Variants in STX8 observed in about 807,000 individuals in gnomAD.
STX8 encodes syntaxin-8.
STX8 carries 23 observed loss-of-function variants against 37.5 expected under a neutral mutation model. The observed-to-expected ratio is 0.61, with a 90% confidence interval of 0.44 to 0.87. The LOEUF (loss-of-function observed/expected upper bound fraction) is 0.87, where lower values mean the gene tolerates loss of function less well. STX8 is among the 40% of genes least tolerant of loss of function. The probability of loss-of-function intolerance (pLI) is 0.00; values close to 1 mark genes in which losing one functional copy is unlikely to be tolerated. For synonymous variants in STX8, 115 were observed against 99.1 expected (o/e 1.16, Z -0.95); for missense variants, 313 against 284.7 (o/e 1.10, Z -0.71).
intron 3 of STX8, among the ~76,000 whole-genome samples, chr17:9,550,882 C>T (rs1469360314): frequency 2.6e-5 from 4 of 152,154 alleles, no homozygotes; most frequent in African/African-American, 9.7e-5. Context: ...TGAGACCAGC[C>T]TGGCCAACAT....
chr17:9,361,908 C>T (rs1271298245), intron 7 of STX8, among the ~76,000 whole-genome samples: 3 of 152,316 alleles, frequency 2.0e-5, no homozygotes, highest in Admixed American at 6.5e-5. Context: ...CTACAAACCA[C>T]GCACGCCTCC....
chr17:9,518,471 T>C (rs11870561), intron 4 of STX8, among the ~76,000 whole-genome samples: 10,545 of 152,152 alleles, frequency 0.069, 1,271 homozygotes, highest in African/African-American at 0.24. Flanking sequence ...CCCATCTGCC[T>C]CTGAAATGTG....
At chr17:9,432,771 T>C (rs1914025373) in intron 6 of STX8, among the ~76,000 whole-genome samples, 2 of 152,196 alleles carry the variant, frequency 1.3e-5, no homozygotes, top group Non-Finnish European at 2.9e-5. Context: ...TAGAATTAAA[T>C]ACAGAGTCTT....
chr17:9,297,150 A>G (rs915265026), intron 7 of STX8, among the ~76,000 whole-genome samples: 1 of 151,212 alleles, frequency 6.6e-6, no homozygotes, highest in Non-Finnish European at 1.5e-5. Flanking sequence ...ATTTATGTTT[A>G]CCTCATTAAA....
intron 7 of STX8, among the ~76,000 whole-genome samples, chr17:9,355,702 A>T (rs779661097): frequency 7.3e-5 from 11 of 151,684 alleles, no homozygotes; most frequent in Non-Finnish European, 1.3e-4. Flanking sequence ...TAGAGATGGG[A>T]TTTCACCATG....
chr17:9,379,845 G>GT (rs1911730794), intron 6 of STX8, among the ~76,000 whole-genome samples: 1 of 152,034 alleles, frequency 6.6e-6, no homozygotes, highest in Admixed American at 6.6e-5. Flanking sequence ...GCGCATGCCT[G>GT]TAATCCTACC....
intron 6 of STX8, among the ~76,000 whole-genome samples, chr17:9,486,131 C>T (rs182466938): frequency 4.6e-5 from 7 of 152,172 alleles, no homozygotes; most frequent in Admixed American, 1.3e-4. Context: ...TGATAATGAA[C>T]GGCCTAAAAG....
At chr17:9,328,424 C>T (rs1909848176) in intron 7 of STX8, among the ~76,000 whole-genome samples, 3 of 152,172 alleles carry the variant, frequency 2.0e-5, no homozygotes, top group African/African-American at 7.2e-5. Context: ...CAAAGTGCTA[C>T]ACTTTGGGTC....
At chr17:9,514,010 A>G (rs1905098218) in intron 4 of STX8, among the ~76,000 whole-genome samples, 4 of 152,184 alleles carry the variant, frequency 2.6e-5, no homozygotes, top group Admixed American at 2.0e-4. Flanking sequence ...AACAGAGCAC[A>G]CCAGAAACTG....
chr17:9,455,607 TA>T (rs1020798447), intron 6 of STX8, among the ~76,000 whole-genome samples: 5 of 151,688 alleles, frequency 3.3e-5, no homozygotes, highest in African/African-American at 4.8e-5. Context: ...TATCTTGGTG[TA>T]AAAAAAAGCA....
chr17:9,271,452 C>G (rs1262049077), intron 7 of STX8, among the ~76,000 whole-genome samples: 1 of 150,424 alleles, frequency 6.6e-6, no homozygotes, highest in Non-Finnish European at 1.5e-5. Context: ...GACCCTGTCT[C>G]AAAAAAGAAA....
intron 2 of STX8, 122 bp downstream of exon 2, chr17:9,568,249 A>G (rs1364887156): frequency 1.5e-6 from 1 of 668,478 alleles, no homozygotes; most frequent in Non-Finnish European, 2.5e-6. Flanking sequence ...TCAATTCAAC[A>G]TATGTAAGCA....
At chr17:9,562,555 G>A (rs143712379) in intron 2 of STX8, among the ~76,000 whole-genome samples, 1 of 150,688 alleles carries the variant, frequency 6.6e-6, no homozygotes, top group South Asian at 2.1e-4. Flanking sequence ...GACTAAAAAG[G>A]CTAATAATCC....
At chr17:9,548,353 C>A (rs917618809) in intron 3 of STX8, 2 of 152,262 alleles carry the variant, frequency 1.3e-5, no homozygotes, top group African/African-American at 4.8e-5. Context: ...GATCCACCCA[C>A]CTCGGCCTCC....
chr17:9,272,950 C>A (rs188332091), intron 7 of STX8, among the ~76,000 whole-genome samples: 5 of 152,366 alleles, frequency 3.3e-5, no homozygotes, highest in African/African-American at 9.6e-5. Flanking sequence ...TCAGCACAAT[C>A]TTTTCAATCC....
At chr17:9,555,349 TAGAAA>T (rs1906924193) in intron 3 of STX8, 1 of 152,162 alleles carries the variant, frequency 6.6e-6, no homozygotes, top group Non-Finnish European at 1.5e-5. Flanking sequence ...TTATTATTAA[TAGAAA>T]AAAGTAAAAG....
At chr17:9,317,684 T>C (rs1909430208) in intron 7 of STX8, among the ~76,000 whole-genome samples, 1 of 150,880 alleles carries the variant, frequency 6.6e-6, no homozygotes, top group Non-Finnish European at 1.5e-5. Context: ...GAGAATGTCG[T>C]GAACCCGGGA....
At chr17:9,533,888 T>TA (rs1201879860) in intron 4 of STX8, among the ~76,000 whole-genome samples, 2 of 152,160 alleles carry the variant, frequency 1.3e-5, no homozygotes, top group Admixed American at 1.3e-4. Context: ...TCAGAGACCA[T>TA]AACCTCATCC....
At chr17:9,415,767 T>TCAA (rs995043132) in intron 6 of STX8, among the ~76,000 whole-genome samples, 3 of 152,104 alleles carry the variant, frequency 2.0e-5, no homozygotes, top group South Asian at 4.2e-4. Flanking sequence ...AGACTCCGTC[T>TCAA]CAACAACAAC....
Sources: gnomAD v4.1 joint callset for allele counts (sites outside exome capture counted in the v4.1 genomes callset) on GRCh38, gnomAD v4.1.1 for gene constraint, MANE v1.5 for transcripts, NCBI Gene and HGNC (gene_info 2026-07-23, HGNC 2026-07-21) for gene names.